CTNNA3: variants seen among roughly 807,000 people sequenced by gnomAD.
CTNNA3 encodes catenin alpha 3.
Under a neutral mutation model 95.7 loss-of-function variants are expected in CTNNA3, and 76 were observed. The ratio of observed to expected loss-of-function variants is 0.79; its 90% CI spans 0.66 to 0.96. CTNNA3 has a LOEUF of 0.96. Among genes scored for constraint, CTNNA3 ranks in the 40% least tolerant of loss-of-function variants. The probability of loss-of-function intolerance (pLI) is 0.00; values close to 1 mark genes in which losing one functional copy is unlikely to be tolerated. For missense variants in CTNNA3, 1,191 were observed against 1,089.8 expected (o/e 1.09, Z -1.31); for synonymous variants, 431 against 374.4 (o/e 1.15, Z -1.74).
chr10:66,364,655 A>G (rs552413705), intron 12 of CTNNA3, among the ~76,000 whole-genome samples: 3 of 152,192 alleles, frequency 2.0e-5, no homozygotes, highest in Non-Finnish European at 2.9e-5. Flanking sequence ...TAAACGTTTA[A>G]GTAAAATAAT....
At chr10:66,401,430 G>A (rs993720163) in intron 11 of CTNNA3, among the ~76,000 whole-genome samples, 7 of 151,536 alleles carry the variant, frequency 4.6e-5, no homozygotes, top group Admixed American at 4.6e-4. Context: ...AGAGGCTGAG[G>A]TGCAAGAATC....
chr10:67,150,912 A>G, intron 7 of CTNNA3, among the ~76,000 whole-genome samples: 1 of 152,184 alleles, frequency 6.6e-6, no homozygotes, highest in South Asian at 2.1e-4. Flanking sequence ...CTACACGGCT[A>G]TCCTTTCTTT....
intron 7 of CTNNA3, among the ~76,000 whole-genome samples, chr10:67,018,263 T>C (rs928448451): frequency 6.6e-5 from 10 of 152,168 alleles, no homozygotes; most frequent in African/African-American, 2.4e-4. Context: ...TGAGGCCAAC[T>C]ACAGCAAATG....
At chr10:66,762,685 G>T (rs932331333) in intron 9 of CTNNA3, among the ~76,000 whole-genome samples, 8 of 151,646 alleles carry the variant, frequency 5.3e-5, no homozygotes, top group African/African-American at 1.9e-4. Flanking sequence ...GAATTCCCCA[G>T]AACTTCTTGT....
chr10:67,297,816 T>C (rs1840108275), intron 5 of CTNNA3, among the ~76,000 whole-genome samples: 1 of 152,208 alleles, frequency 6.6e-6, no homozygotes, highest in South Asian at 2.1e-4. Flanking sequence ...TCAGGTCACA[T>C]ACTTTGCATC....
At chr10:66,867,664 T>C (rs1385111627) in intron 7 of CTNNA3, among the ~76,000 whole-genome samples, 1 of 152,124 alleles carries the variant, frequency 6.6e-6, no homozygotes. Context: ...CTCTCACGTC[T>C]AAGTTCAAGC....
At chr10:66,088,214 A>G (rs1201956965) in intron 14 of CTNNA3, among the ~76,000 whole-genome samples, 1 of 151,984 alleles carries the variant, frequency 6.6e-6, no homozygotes, top group Non-Finnish European at 1.5e-5. Context: ...TGTTTCATAT[A>G]CCAAAGATTT....
intron 1 of CTNNA3, chr10:67,750,911 A>C: frequency 6.2e-7 from 1 of 1,610,256 alleles, no homozygotes; most frequent in Non-Finnish European, 8.5e-7. Context: ...ATTATGGCCT[A>C]CAGCCCCCTA....
At chr10:66,892,208 C>T (rs1845296224) in intron 7 of CTNNA3, among the ~76,000 whole-genome samples, 1 of 151,940 alleles carries the variant, frequency 6.6e-6, no homozygotes, top group Non-Finnish European at 1.5e-5. Flanking sequence ...ACTAAAATGG[C>T]GGCACAAACA....
intron 8 of CTNNA3, among the ~76,000 whole-genome samples, chr10:66,770,607 T>C (rs934815643): frequency 6.6e-6 from 1 of 152,108 alleles, no homozygotes; most frequent in African/African-American, 2.4e-5. Flanking sequence ...CTGATGTAAG[T>C]GGTTTGGGAT....
In CTNNA3 at chr10:66,409,753, T is replaced by C. The variant is rs2093087939; in HGVS notation, c.1532-30401A>G. Among the ~76,000 whole-genome samples the C allele has an allele frequency of 3.3e-5, 5 of 152,330 alleles. No individual in the cohort carries two copies. In the South Asian group the frequency reaches 1.0e-3, roughly 32 times the overall value. ...AGGATCGATAATATTTTTATAGTTTTAATAGTTAGGTCAACATCTAGAACT... is the reference window on the plus strand; with the variant it reads ...AGGATCGATAATATTTTTATAGTTTCAATAGTTAGGTCAACATCTAGAACT... On this transcript the variant is annotated intron_variant, in intron 11 of 17. Coordinates refer to ENST00000433211, the MANE Select transcript of CTNNA3 (RefSeq NM_013266.4).
chr10:67,195,922 C>T (rs1487469224), intron 6 of CTNNA3, among the ~76,000 whole-genome samples: 2 of 152,074 alleles, frequency 1.3e-5, no homozygotes, highest in African/African-American at 2.4e-5. Flanking sequence ...AATCTTACAC[C>T]TATTCTCCAA....
In CTNNA3 at chr10:66,518,520, T is replaced by A. The variant is rs1366804012; in HGVS notation, c.1531+2097A>T. On this transcript the variant is annotated intron_variant, in intron 11 of 17. Coordinates refer to ENST00000433211, the MANE Select transcript of CTNNA3 (RefSeq NM_013266.4). ...TGTTGACTGAATTTACTTTGTGAAG[T>A]CTATATGAAGGAGATAGCAAATAGA... 6.4e-4 allele frequency among the ~76,000 whole-genome samples: 97 copies of A among 152,126 alleles called. 4 individuals carry two copies. Among genetic ancestry groups the A allele is most frequent in the Non-Finnish European group, 2.9e-5 (2 of 68,022 alleles).
intron 17 of CTNNA3, among the ~76,000 whole-genome samples, chr10:65,930,939 G>A (rs1371888147): frequency 6.6e-6 from 1 of 152,156 alleles, no homozygotes; most frequent in Non-Finnish European, 1.5e-5. Flanking sequence ...ATACACATAA[G>A]TATATATACT....
chr10:66,088,485 T>TGTGTGTGTGTGTGTG (rs2081071437), intron 14 of CTNNA3, among the ~76,000 whole-genome samples: 2 of 139,568 alleles, frequency 1.4e-5, no homozygotes, highest in Non-Finnish European at 3.1e-5. Context: ...GGTAGGTGTT[T>TGTGTGTGTGTGTGTG]TGTGTGTGTG....
chr10:67,400,980 G>A (rs896795325), intron 5 of CTNNA3, among the ~76,000 whole-genome samples: 2 of 152,102 alleles, frequency 1.3e-5, no homozygotes, highest in East Asian at 1.9e-4. Flanking sequence ...TAAGTGTTGT[G>A]TATACTTCAG....
intron 5 of CTNNA3, among the ~76,000 whole-genome samples, chr10:67,261,917 T>G (rs1354363005): frequency 2.0e-5 from 3 of 152,146 alleles, no homozygotes; most frequent in Non-Finnish European, 2.9e-5. Flanking sequence ...ACAAATAAGT[T>G]GGATATGTTT....
chr10:66,371,254 C>G (rs886527016), intron 12 of CTNNA3, among the ~76,000 whole-genome samples: 1 of 152,074 alleles, frequency 6.6e-6, no homozygotes, highest in African/African-American at 2.4e-5. Flanking sequence ...GAAGGGTAAA[C>G]GTTCCCCCTT....
upstream of CTNNA3, among the ~76,000 whole-genome samples, chr10:67,700,249 T>C (rs1310138413): frequency 1.3e-5 from 2 of 152,204 alleles, no homozygotes; most frequent in East Asian, 3.9e-4. Context: ...AGTGTACCTG[T>C]CTGACAGCTT....
Sources: gnomAD v4.1 joint callset for allele counts (sites outside exome capture counted in the v4.1 genomes callset) on GRCh38, gnomAD v4.1.1 for gene constraint, MANE v1.5 for transcripts, NCBI Gene and HGNC (gene_info 2026-07-23, HGNC 2026-07-21) for gene names.